NPC1: variants seen among roughly 807,000 people sequenced by gnomAD.
NPC1 encodes NPC intracellular cholesterol transporter 1.
A neutral mutation model predicts 140.4 loss-of-function variants in NPC1; 85 were observed. That is an observed-to-expected ratio of 0.61 (90% CI 0.51 to 0.72). NPC1 has a LOEUF of 0.72. NPC1 is among the 30% of genes least tolerant of loss of function. The pLI is 0.00. For missense variants in NPC1, 1,504 were observed against 1,623.8 expected (o/e 0.93, Z 1.27); for synonymous variants, 656 against 624.8 (o/e 1.05, Z -0.74).
In NPC1 at chr18:23,536,720, G is replaced by A. The variant is rs145145840; in HGVS notation, c.3198C>T (p.Thr1066=). Residue 1066 remains threonine (T), a synonymous_variant, in exon 21 of 25, where the codon ACC becomes ACT. Coordinates refer to ENST00000269228, the MANE Select transcript of NPC1 (RefSeq NM_000271.5). ...KKARLIASNV[T]ETMGINGSAY... ...CACTGCCGTTAATGCCCATGGTTTC[G>A]GTGACATTACTGGCTATAAGTCGGG... The A allele has an allele frequency of 1.1e-3, 1,849 of 1,614,144 alleles. 5 individuals carry two copies. Among genetic ancestry groups the A allele is most frequent in the Non-Finnish European group, 1.4e-3 (1,616 of 1,180,032 alleles).
intron 7 of NPC1, 173 bp from the exon 8 acceptor site, chr18:23,556,786 G>GA: frequency 9.8e-7 from 1 of 1,018,578 alleles, no homozygotes; most frequent in Non-Finnish European, 1.5e-6. Context: ...CACCTTTGTT[G>GA]GCTGCCCTCA....
Position 23,531,891 on chromosome 18 carries a change from A to AAG in NPC1, c.*310_*311insCT. 1.4e-6 allele frequency: 2 copies of AAG among 1,420,852 alleles called. No individual in the cohort carries two copies. Among genetic ancestry groups the AAG allele is most frequent in the South Asian group, 3.0e-5 (2 of 66,590 alleles). The allele number at this position is 1,420,852 out of a possible 1,614,324, so 88.0% of individuals were successfully genotyped here. On this transcript the variant is annotated 3_prime_UTR_variant, in exon 25 of 25. Coordinates refer to ENST00000269228, the MANE Select transcript of NPC1 (RefSeq NM_000271.5). ...ACAGACAGTGCATTGATTGGCCTTT[A>AAG]CAGAGTGTCAGTGAGCGGATCACAT...
rs796975161 is a variant in NPC1, at chr18:23,586,135, G to GAAAC, written c.57+148_57+151dup. 1.0e-4 allele frequency: 81 copies of GAAAC among 810,988 alleles called. No individual in the cohort carries two copies. The African/African-American group carries it at 1.4e-3, about 14-fold the overall frequency. The allele number at this position is 810,988 out of a possible 1,614,324, so 50.2% of individuals were successfully genotyped here. Reference sequence around the variant, plus strand: ...AGGAAAGAGAGCGTGGCCGGAGACAGAAACAGGACAAGTGAGGAACCTCCG... The same window carrying GAAAC: ...AGGAAAGAGAGCGTGGCCGGAGACAGAAACAAACAGGACAAGTGAGGAACCTCCG... On this transcript the variant is annotated intron_variant, in intron 1 of 24. Transcript: ENST00000269228.
intron 1 of NPC1, among the ~76,000 whole-genome samples, chr18:23,585,052 TAAATAAATTTTAA>T (rs1475450912): frequency 3.3e-5 from 5 of 151,982 alleles, no homozygotes; most frequent in African/African-American, 7.3e-5. Flanking sequence ...GTCTCTAAAA[TAAATAAATTTTAA>T]AAATAAATTT....
downstream of NPC1, chr18:23,524,470 A>G: frequency 6.2e-7 from 1 of 1,614,104 alleles, no homozygotes; most frequent in Non-Finnish European, 8.5e-7. Context: ...CATCATTATC[A>G]GCGCAAGCCA....
Position 23,531,528 on chromosome 18 carries a change from A to G in NPC1, c.*674T>C. ...GAAAACAATGTATTTTATTAAAGAA[A>G]AATAAGTTAAAACCCAGTAGACACA... On this transcript the variant is annotated 3_prime_UTR_variant, in exon 25 of 25. Coordinates refer to ENST00000269228, the MANE Select transcript of NPC1 (RefSeq NM_000271.5). The G allele has an allele frequency of 6.6e-7, 1 of 1,524,246 alleles. No homozygotes were observed. Among genetic ancestry groups the G allele is most frequent in the Non-Finnish European group, 8.8e-7 (1 of 1,141,708 alleles). 94.4% of individuals were successfully genotyped at this position (1,524,246 alleles called of 1,614,324 possible). A position where few individuals can be genotyped will look rare whatever the true frequency, so the allele number is the denominator to read the frequency against.
rs373017634 is a variant in NPC1, at chr18:23,554,740, T to C, written c.1553+18A>G. The C allele has an allele frequency of 5.6e-4, 889 of 1,599,450 alleles. 1 individual carries two copies. The highest frequency in any genetic ancestry group is 7.1e-4 in the Non-Finnish European group (831 of 1,167,082). On this transcript the variant is annotated intron_variant, in intron 9 of 24. Coordinates refer to ENST00000269228, the MANE Select transcript of NPC1 (RefSeq NM_000271.5). The stretch of plus-strand genomic sequence containing the variant: ...ACCCAAGAATGGTGTCTACCAATGA[T>C]TGTCTCTTGCCACTTACCGTACGCA...
rs982276630 is a variant in NPC1, at chr18:23,531,863, GAGAC to G, written c.*335_*338del. ...GTGGGATGGCTTACTCCTAAAAGGA[GAGAC>G]AGACAGTGCATTGATTGGCCTTTAC... On this transcript the variant is annotated 3_prime_UTR_variant, in exon 25 of 25. Coordinates refer to ENST00000269228, the MANE Select transcript of NPC1 (RefSeq NM_000271.5). 159 of 1,449,354 alleles carry G rather than the reference GAGAC, an allele frequency of 1.1e-4. No individual in the cohort carries two copies. The highest frequency in any genetic ancestry group is 1.3e-4 in the Non-Finnish European group (141 of 1,109,152). 89.8% of individuals were successfully genotyped at this position (1,449,354 alleles called of 1,614,324 possible).
intron 4 of NPC1, among the ~76,000 whole-genome samples, chr18:23,565,432 T>C (rs1028856609): frequency 9.2e-5 from 14 of 152,240 alleles, no homozygotes; most frequent in African/African-American, 3.4e-4. Context: ...TTTCAGCTCC[T>C]GCAACCACCG....
At chr18:23,547,482 T>C (rs2058805345) in intron 11 of NPC1, among the ~76,000 whole-genome samples, 1 of 152,196 alleles carries the variant, frequency 6.6e-6, no homozygotes, top group African/African-American at 2.4e-5. Flanking sequence ...GGCTCACACC[T>C]GTAATCCCGG....
intron 3 of NPC1, among the ~76,000 whole-genome samples, chr18:23,571,194 G>A (rs957934779): frequency 8.6e-5 from 13 of 150,508 alleles, no homozygotes; most frequent in Non-Finnish European, 1.6e-4. Context: ...CTGACAAATT[G>A]TAAGAGTGCT....
intron 24 of NPC1, among the ~76,000 whole-genome samples, chr18:23,532,611 T>C (rs539426695): frequency 1.3e-5 from 2 of 152,102 alleles, no homozygotes; most frequent in East Asian, 3.9e-4. Flanking sequence ...GCTAATTTTA[T>C]TTTTGTAGAG....
Position 23,576,400 on chromosome 18 carries a change from C to T in NPC1, c.58-2826G>A, listed in dbSNP as rs932815444. 5 of 858,396 alleles carry T rather than the reference C, an allele frequency of 5.8e-6. No homozygotes were observed. In the East Asian group the frequency reaches 3.6e-4, roughly 62 times the overall value. 53.2% of individuals were successfully genotyped at this position (858,396 alleles called of 1,614,324 possible). A position where few individuals can be genotyped will look rare whatever the true frequency, so the allele number is the denominator to read the frequency against. ...TAGCACCTCTGCACTCCAGCCTGGA[C>T]AACAAAGTGAAAACTGGTCTCAAAA... is the stretch of plus-strand genomic sequence containing the variant. On this transcript the variant is annotated intron_variant, in intron 1 of 24. Transcript: ENST00000269228.
At chr18:23,566,408 G>C (rs2472608) in intron 4 of NPC1, among the ~76,000 whole-genome samples, 1 of 152,000 alleles carries the variant, frequency 6.6e-6, no homozygotes, top group East Asian at 1.9e-4. Flanking sequence ...GCACTATTCA[G>C]AACAACTGGC....
intron 3 of NPC1, among the ~76,000 whole-genome samples, chr18:23,514,863 G>A (rs544208069): frequency 4.6e-5 from 7 of 152,238 alleles, no homozygotes; most frequent in African/African-American, 1.4e-4. Flanking sequence ...CCTGACTTGC[G>A]CAGCAGTTCT....
chr18:23,569,673 C>G (rs2145530670), intron 3 of NPC1, among the ~76,000 whole-genome samples: 1 of 152,282 alleles, frequency 6.6e-6, no homozygotes, highest in African/African-American at 2.4e-5. Flanking sequence ...GAATCTTCAT[C>G]TTATAACCTA....
chr18:23,507,089 C>T, intron 3 of NPC1: 1 of 1,377,624 alleles, frequency 7.3e-7, no homozygotes. Context: ...CATTAAAGGG[C>T]ATTAGAAATA....
At chr18:23,576,487 C>T in intron 1 of NPC1, 1 of 986,778 alleles carries the variant, frequency 1.0e-6, no homozygotes, top group Non-Finnish European at 1.2e-6. Context: ...TTACAAAGCA[C>T]TGGCGGTGTC....
intron 1 of NPC1, 57 bp from the exon 2 acceptor site, chr18:23,573,631 CAAG>C: frequency 2.5e-6 from 4 of 1,606,906 alleles, no homozygotes; most frequent in South Asian, 1.1e-5. Flanking sequence ...TAAATTTCAA[CAAG>C]AAGTGCCCAC....
Sources: allele counts gnomAD v4.1 joint callset (sites outside exome capture counted in the v4.1 genomes callset), GRCh38; gene constraint gnomAD v4.1.1; transcripts MANE v1.5; gene names NCBI Gene and HGNC (gene_info 2026-07-23, HGNC 2026-07-21).